RBPJ: variants seen among roughly 807,000 people sequenced by gnomAD.
The protein encoded by RBPJ is recombination signal binding protein for immunoglobulin kappa J region, also known as recombining binding protein suppressor of hairless.
Under a neutral mutation model 67.8 loss-of-function variants are expected in RBPJ, and 9 were observed. That is an observed-to-expected ratio of 0.13 (90% CI 0.08 to 0.23). The LOEUF (loss-of-function observed/expected upper bound fraction) is 0.23, where lower values mean the gene tolerates loss of function less well. Among genes scored for constraint, RBPJ ranks in the 10% least tolerant of loss-of-function variants. The pLI is 1.00. For missense variants in RBPJ, 305 were observed against 595.6 expected (o/e 0.51, Z 5.08); for synonymous variants, 198 against 203.3 (o/e 0.97, Z 0.22).
rs191754819 is a variant in RBPJ, at chr4:26,164,968, T to C, written c.-167+1354T>C. ...TTAGACAAATGTCCTTTTCATACCA[T>C]AGACAAACAATGGACTAGTTAAATA... On this transcript the variant is annotated intron_variant, in intron 1 of 4. Coordinates refer to the RBPJ transcript ENST00000512351. 7.9e-5 allele frequency among the ~76,000 whole-genome samples: 12 copies of C among 152,274 alleles called. No homozygotes were observed. The East Asian group carries it at 2.3e-3, about 29-fold the overall frequency.
chr4:26,401,257 G>T (rs1732765376), intron 2 of RBPJ, among the ~76,000 whole-genome samples: 1 of 152,210 alleles, frequency 6.6e-6, no homozygotes, highest in Non-Finnish European at 1.5e-5. Context: ...CAGACCCTTA[G>T]TAACAGACCC....
At chr4:26,415,770 A>G (rs975940751) in intron 4 of RBPJ, 130 bp downstream of exon 4, 1 of 872,736 alleles carries the variant, frequency 1.1e-6, no homozygotes, top group Non-Finnish European at 1.7e-6. Flanking sequence ...TATATAAACT[A>G]GGACCAAAAA....
chr4:26,339,975 C>T lies in RBPJ; in HGVS notation c.20+18927C>T, dbSNP rs1023999289. 1.1e-4 allele frequency among the ~76,000 whole-genome samples: 17 copies of T among 150,450 alleles called. 1 individual carries two copies. In the South Asian group the frequency reaches 2.3e-3, roughly 21 times the overall value. On this transcript the variant is annotated intron_variant, in intron 1 of 10. Coordinates refer to ENST00000355476, the MANE Select transcript of RBPJ (RefSeq NM_015874.6). The stretch of plus-strand genomic sequence containing the variant: ...CGGAGGTTGCAGTGAGGTGAGACCA[C>T]GCCATTGCGCTCCAGCCTGGGTGAC...
At chr4:26,305,791 T>TC (rs1339974453) in intron 1 of RBPJ, among the ~76,000 whole-genome samples, 1 of 142,162 alleles carries the variant, frequency 7.0e-6, no homozygotes, top group African/African-American at 2.7e-5. Context: ...TTTTTTTTTT[T>TC]TTTCTGAGAC....
At chr4:26,296,320 T>C (rs1473580819) in intron 1 of RBPJ, among the ~76,000 whole-genome samples, 1 of 152,174 alleles carries the variant, frequency 6.6e-6, no homozygotes, top group Non-Finnish European at 1.5e-5. Context: ...TAGCATTAGG[T>C]AGCTGGGAGA....
intron 1 of RBPJ, among the ~76,000 whole-genome samples, chr4:26,334,385 C>CT (rs1214985652): frequency 6.6e-6 from 1 of 151,482 alleles, no homozygotes; most frequent in Admixed American, 6.6e-5. Flanking sequence ...TCTAATATTC[C>CT]TTTTTTGCCT....
chr4:26,149,924 G>A, the RBPJ span, among the ~76,000 whole-genome samples: 1 of 152,174 alleles, frequency 6.6e-6, no homozygotes, highest in African/African-American at 2.4e-5. Context: ...TATGCCCCAA[G>A]ACTCCAAGAG....
intron 1 of RBPJ, among the ~76,000 whole-genome samples, chr4:26,335,814 G>A (rs1389215672): frequency 6.7e-6 from 1 of 149,968 alleles, no homozygotes; most frequent in Non-Finnish European, 1.5e-5. Context: ...CAGTAGAGAT[G>A]GGGTTTCACT....
chr4:26,276,962 T>C (rs765069352), intron 1 of RBPJ, among the ~76,000 whole-genome samples: 7 of 152,138 alleles, frequency 4.6e-5, no homozygotes, highest in Admixed American at 6.6e-5. Context: ...CGGAATAAAC[T>C]AGTCATAGAA....
At chr4:26,286,472 CAAA>C (rs57556548) in intron 1 of RBPJ, among the ~76,000 whole-genome samples, 2 of 99,488 alleles carry the variant, frequency 2.0e-5, no homozygotes, top group Admixed American at 9.8e-5. Context: ...GACCCTGCCT[CAAA>C]AAAAAAAAAA....
intron 1 of RBPJ, among the ~76,000 whole-genome samples, chr4:26,196,171 G>T (rs1213789292): frequency 1.3e-5 from 2 of 152,142 alleles, no homozygotes; most frequent in African/African-American, 2.4e-5. Context: ...CCAAAGTAGA[G>T]GGAGCCCAAA....
intron 1 of RBPJ, among the ~76,000 whole-genome samples, chr4:26,246,571 G>C (rs943130351): frequency 6.6e-6 from 1 of 152,176 alleles, no homozygotes; most frequent in South Asian, 2.1e-4. Flanking sequence ...TTAACCAAGG[G>C]ATTATAAACA....
chr4:26,129,389 A>G, the RBPJ span, among the ~76,000 whole-genome samples: 1 of 152,234 alleles, frequency 6.6e-6, no homozygotes, highest in Non-Finnish European at 1.5e-5. Context: ...GGTGTTGTAC[A>G]TCTATTTCAT....
In RBPJ at chr4:26,247,690, A is replaced by C. The variant is rs137867504; in HGVS notation, c.-167+84076A>C. 5.0e-3 allele frequency among the ~76,000 whole-genome samples: 765 copies of C among 152,332 alleles called. 9 individuals are homozygous for C. Among genetic ancestry groups the C allele is most frequent in the African/African-American group, 0.018 (740 of 41,570 alleles). On this transcript the variant is annotated intron_variant, in intron 1 of 4. Coordinates refer to the RBPJ transcript ENST00000512351. ...CTCCCAAAGTGCTGGGATTACAGGCATGAGCCACCGTACCCAGCCTTCATA... is the reference window on the plus strand; with the variant it reads ...CTCCCAAAGTGCTGGGATTACAGGCCTGAGCCACCGTACCCAGCCTTCATA...
chr4:26,417,772 C>T (rs1394566368), intron 4 of RBPJ, among the ~76,000 whole-genome samples: 1 of 152,176 alleles, frequency 6.6e-6, no homozygotes, highest in African/African-American at 2.4e-5. Flanking sequence ...ACTTAAACTC[C>T]ATTCGTGTAA....
intron 2 of RBPJ, among the ~76,000 whole-genome samples, chr4:26,392,315 A>G (rs942867433): frequency 2.0e-5 from 3 of 152,206 alleles, no homozygotes; most frequent in African/African-American, 4.8e-5. Context: ...CCATTCCTAC[A>G]TATTTAATCA....
upstream of RBPJ, among the ~76,000 whole-genome samples, chr4:26,316,827 C>CTTTTTTTTTTTTTTTTTTT (rs56130072): frequency 1.4e-5 from 1 of 71,396 alleles, no homozygotes. Context: ...ACCCAGACGA[C>CTTTTTTTTTTTTTTTTTTT]TTTTTTTTTT....
chr4:26,361,369 A>T (rs1228756042), intron 1 of RBPJ, among the ~76,000 whole-genome samples: 2 of 151,940 alleles, frequency 1.3e-5, no homozygotes, highest in South Asian at 2.1e-4. Flanking sequence ...AAAATACATA[A>T]TTTTTTCTGA....
chr4:26,399,221 G>C (rs1171071045), intron 2 of RBPJ, among the ~76,000 whole-genome samples: 3 of 152,132 alleles, frequency 2.0e-5, no homozygotes, highest in African/African-American at 7.2e-5. Flanking sequence ...CTCACCACCA[G>C]CTCACTGAGA....
Sources: gnomAD v4.1 joint callset for allele counts (sites outside exome capture counted in the v4.1 genomes callset) on GRCh38, gnomAD v4.1.1 for gene constraint, MANE v1.5 for transcripts, NCBI Gene and HGNC (gene_info 2026-07-23, HGNC 2026-07-21) for gene names.